Variants in TMEM163 observed in about 807,000 individuals in gnomAD.
TMEM163 encodes the protein transmembrane protein 163.
A neutral mutation model predicts 29.3 loss-of-function variants in TMEM163; 17 were observed. The ratio of observed to expected loss-of-function variants is 0.58; its 90% CI spans 0.40 to 0.87. TMEM163 has a LOEUF of 0.87. Ranked by LOEUF, TMEM163 falls within the 40% of genes least tolerant of loss-of-function variation. The pLI, the probability that TMEM163 is intolerant of heterozygous loss-of-function variation, is 0.00. For missense variants in TMEM163, 303 were observed against 381.5 expected, an observed-to-expected ratio of 0.79 and a Z score of 1.71; for synonymous variants, 157 against 160.6, an observed-to-expected ratio of 0.98 and a Z score of 0.17.
intron 2 of TMEM163, among the ~76,000 whole-genome samples, chr2:134,632,732 C>A (rs1265739560): frequency 6.6e-6 from 1 of 151,572 alleles, no homozygotes; most frequent in Non-Finnish European, 1.5e-5. Context: ...CCCCAAAAGG[C>A]CCTATGTTCT....
intron 4 of TMEM163, among the ~76,000 whole-genome samples, chr2:134,520,926 T>G (rs1452892331): frequency 6.6e-6 from 1 of 152,242 alleles, no homozygotes; most frequent in African/African-American, 2.4e-5. Context: ...TAGTCTTGCA[T>G]TAGGGTCTGG....
At position 134,456,725 on chromosome 2, in the gene TMEM163, C is replaced by T. The variant is rs139520731; in HGVS notation, c.861G>A (p.Met287Ile). The change falls in exon 8 of 8, where the codon ATG (methionine) becomes ATA (isoleucine). Residue 287 changes from methionine to isoleucine, a missense_variant. Physicochemically the swap from Met to Ile is conservative, Grantham distance 10. Transcript: ENST00000281924. ...CGGATGCTGGCCCCCTTCACTCAAA[C>T]ATCTCGTAGTGACGTGTCTGCCTCA... ...PRVRQTRHYE[M>I]FE 50 of 1,614,006 alleles carry T rather than the reference C, an allele frequency of 3.1e-5. No homozygotes were observed. The highest frequency in any genetic ancestry group is 4.1e-5 in the Non-Finnish European group (48 of 1,180,034).
intron 4 of TMEM163, among the ~76,000 whole-genome samples, chr2:134,527,767 T>G (rs1426877351): frequency 6.6e-6 from 1 of 152,128 alleles, no homozygotes; most frequent in African/African-American, 2.4e-5. Flanking sequence ...TGTAACAGCA[T>G]GGAAAGCCCT....
At chr2:134,619,963 A>T (rs1682693599) in intron 2 of TMEM163, among the ~76,000 whole-genome samples, 1 of 152,244 alleles carries the variant, frequency 6.6e-6, no homozygotes, top group Admixed American at 6.5e-5. Context: ...AACACTTAGA[A>T]GCAAAATTAA....
intron 2 of TMEM163, among the ~76,000 whole-genome samples, chr2:134,600,963 T>C (rs934858221): frequency 3.3e-5 from 5 of 152,228 alleles, no homozygotes; most frequent in Middle Eastern, 3.4e-3. Context: ...AAGTCAAAAC[T>C]GGGGCTGTGT....
At position 134,664,861 on chromosome 2, in the gene TMEM163, G is replaced by GT. The variant is rs978053576; in HGVS notation, c.322+48338dup. ...GAACTGTAACAGAATAAATTGTTGG[G>GT]TTTTTTTTTGTTTTGTTTTATTTTG... On this transcript the variant is annotated intron_variant, in intron 2 of 7. Transcript: ENST00000281924. 1.7e-3 allele frequency among the ~76,000 whole-genome samples: 253 copies of GT among 151,372 alleles called. 1 individual carries two copies. The highest frequency in any genetic ancestry group is 5.3e-3 in the African/African-American group (220 of 41,224).
intron 2 of TMEM163, among the ~76,000 whole-genome samples, chr2:134,565,225 A>G (rs1574242012): frequency 6.6e-6 from 1 of 151,610 alleles, no homozygotes; most frequent in Non-Finnish European, 1.5e-5. Flanking sequence ...GTGACAGAGC[A>G]AGACTGTCTC....
chr2:134,552,177 A>C (rs1680944592), intron 2 of TMEM163, 86 bp from the exon 3 acceptor site: 1 of 1,052,504 alleles, frequency 9.5e-7, no homozygotes, highest in Non-Finnish European at 1.4e-6. Context: ...CCTTTTAAAC[A>C]TCAGTGGGGA....
chr2:134,461,949 A>G (rs1686549704), intron 6 of TMEM163, among the ~76,000 whole-genome samples: 1 of 152,230 alleles, frequency 6.6e-6, no homozygotes, highest in Non-Finnish European at 1.5e-5. Context: ...AAGTGAGGAA[A>G]GAACAGAGAA....
At chr2:134,470,409 C>G (rs1479084130) in intron 5 of TMEM163, among the ~76,000 whole-genome samples, 1 of 151,960 alleles carries the variant, frequency 6.6e-6, no homozygotes, top group Non-Finnish European at 1.5e-5. Context: ...AAACAGGGCC[C>G]GGCACAGAGT....
At position 134,460,686 on chromosome 2, in the gene TMEM163, G is replaced by A. The variant is rs575862644; in HGVS notation, c.668-2513C>T. 1.6e-3 allele frequency among the ~76,000 whole-genome samples: 240 copies of A among 152,260 alleles called. 1 individual carries two copies. The highest frequency in any genetic ancestry group is 2.5e-3 in the Non-Finnish European group (169 of 68,024). ...TGCTGCTCAGAAAAGAGGCAAAAGCGTGAGGTTCCCCAGACAGCCACTAGA... is the reference window on the plus strand; with the variant it reads ...TGCTGCTCAGAAAAGAGGCAAAAGCATGAGGTTCCCCAGACAGCCACTAGA... On this transcript the variant is annotated intron_variant, in intron 6 of 7. Transcript: ENST00000281924. The surrounding 1 kb of genome is among the most constrained non-coding windows in gnomAD (Gnocchi z 4.3).
chr2:134,556,142 G>C (rs1256704707), intron 2 of TMEM163, among the ~76,000 whole-genome samples: 2 of 152,160 alleles, frequency 1.3e-5, no homozygotes, highest in Admixed American at 1.3e-4. Flanking sequence ...AACACAAGAA[G>C]AAAGTAGATA....
At chr2:134,577,222 C>T (rs1043281229) in intron 2 of TMEM163, among the ~76,000 whole-genome samples, 13 of 152,098 alleles carry the variant, frequency 8.5e-5, no homozygotes, top group African/African-American at 2.2e-4. Context: ...ATATGGACAC[C>T]GTCGACTCTA....
chr2:134,701,580 A>C (rs1407765673), intron 2 of TMEM163, among the ~76,000 whole-genome samples: 2 of 152,150 alleles, frequency 1.3e-5, no homozygotes, highest in African/African-American at 4.8e-5. Flanking sequence ...GGCATACCAA[A>C]CTCAGCCAAA....
At chr2:134,550,907 T>C (rs916257949) in intron 3 of TMEM163, among the ~76,000 whole-genome samples, 1 of 152,178 alleles carries the variant, frequency 6.6e-6, no homozygotes, top group Non-Finnish European at 1.5e-5. Context: ...TCTGGAGATA[T>C]AGAGCGGAAG....
At chr2:134,593,034 C>T (rs1324454781) in intron 2 of TMEM163, among the ~76,000 whole-genome samples, 1 of 152,124 alleles carries the variant, frequency 6.6e-6, no homozygotes, top group African/African-American at 2.4e-5. Flanking sequence ...ATTGGGAATA[C>T]AAGATAAGGC....
At chr2:134,504,076 G>A (rs778915765) in intron 4 of TMEM163, among the ~76,000 whole-genome samples, 3 of 152,108 alleles carry the variant, frequency 2.0e-5, no homozygotes, top group Admixed American at 6.5e-5. Flanking sequence ...ACAAAATCAC[G>A]TTTTATTATC....
intron 2 of TMEM163, among the ~76,000 whole-genome samples, chr2:134,660,260 TA>T (rs980487707): frequency 2.6e-5 from 4 of 151,914 alleles, no homozygotes; most frequent in African/African-American, 9.7e-5. Context: ...AATTTCTAAC[TA>T]AAAAAATATG....
chr2:134,695,051 T>C lies in TMEM163; in HGVS notation c.322+18149A>G, dbSNP rs1684547503. Reference sequence around the variant, plus strand: ...AAAACCAATAACAAAGCTAATACTTTTAGAGAACTAAATGATGGAAAGGAG... The same window carrying C: ...AAAACCAATAACAAAGCTAATACTTCTAGAGAACTAAATGATGGAAAGGAG... On this transcript the variant is annotated intron_variant, in intron 2 of 7. Transcript: ENST00000281924. Among the ~76,000 whole-genome samples the C allele has an allele frequency of 2.0e-5, 3 of 152,196 alleles. No homozygotes were observed. The South Asian group carries it at 6.2e-4, about 31-fold the overall frequency.
Sources: gnomAD v4.1 joint callset for allele counts (sites outside exome capture counted in the v4.1 genomes callset) on GRCh38, gnomAD v4.1.1 for gene constraint, Gnocchi (gnomAD v3.1) non-coding constraint, MANE v1.5 for transcripts, NCBI Gene and HGNC (gene_info 2026-07-23, HGNC 2026-07-21) for gene names.